CLMP: variants seen among roughly 807,000 people sequenced by gnomAD.
CLMP encodes the protein CXADR-like membrane protein.
CLMP carries 27 observed loss-of-function variants against 45.2 expected under a neutral mutation model. The ratio of observed to expected loss-of-function variants is 0.60; its 90% CI spans 0.44 to 0.82. The LOEUF is 0.82. Ranked by LOEUF, CLMP falls within the 40% of genes least tolerant of loss-of-function variation. The pLI is 0.00. For synonymous variants in CLMP, 167 were observed against 171.4 expected (o/e 0.97, Z 0.20); for missense variants, 403 against 448.4 (o/e 0.90, Z 0.91).
chr11:123,160,047 G>A (rs576538381), intron 1 of CLMP, among the ~76,000 whole-genome samples: 1 of 152,270 alleles, frequency 6.6e-6, no homozygotes, highest in East Asian at 1.9e-4. Context: ...GGGAGGCTGA[G>A]GCGGGAGGAT....
At chr11:123,078,106 C>CA (rs1165476947) in intron 5 of CLMP, among the ~76,000 whole-genome samples, 5 of 147,258 alleles carry the variant, frequency 3.4e-5, no homozygotes, top group Admixed American at 6.8e-5. Context: ...AACTCTGTCT[C>CA]AAAAAAAAAG....
chr11:123,100,799 A>C (rs910261148), intron 1 of CLMP, among the ~76,000 whole-genome samples: 1 of 151,818 alleles, frequency 6.6e-6, no homozygotes, highest in East Asian at 1.9e-4. Flanking sequence ...GCTTTTTCCC[A>C]AAAACACTTT....
intron 1 of CLMP, among the ~76,000 whole-genome samples, chr11:123,098,631 A>G (rs1365200698): frequency 6.6e-6 from 1 of 151,256 alleles, no homozygotes; most frequent in African/African-American, 2.4e-5. Flanking sequence ...GACCTCACCA[A>G]TTCAAGAGAT....
intron 1 of CLMP, among the ~76,000 whole-genome samples, chr11:123,129,678 T>C (rs1157637606): frequency 7.0e-6 from 1 of 142,312 alleles, no homozygotes; most frequent in Non-Finnish European, 1.5e-5. Flanking sequence ...TATATATAAA[T>C]ATTATATTTA....
At chr11:123,180,901 TG>T (rs1302046342) in intron 1 of CLMP, among the ~76,000 whole-genome samples, 2 of 152,190 alleles carry the variant, frequency 1.3e-5, no homozygotes, top group African/African-American at 4.8e-5. Flanking sequence ...GGAAGCTGGA[TG>T]CCTGGAGAGA....
chr11:123,136,304 C>A (rs184422961), intron 1 of CLMP: 1 of 637,918 alleles, frequency 1.6e-6, no homozygotes. Context: ...CTGGTGTCTT[C>A]GCGCATACTC....
Position 123,187,903 on chromosome 11 carries a change from T to G in CLMP, c.28+7010A>C, listed in dbSNP as rs532467078. Among the ~76,000 whole-genome samples the G allele has an allele frequency of 1.1e-3, 168 of 152,296 alleles. 1 individual carries two copies. Among genetic ancestry groups the G allele is most frequent in the Non-Finnish European group, 8.7e-4 (59 of 68,012 alleles). ...ATCCATCAACCCACCAACTGCTTAT[T>G]TAGCGTGATCTCAATAATGAGCAAG... is the stretch of plus-strand genomic sequence containing the variant. On this transcript the variant is annotated intron_variant, in intron 1 of 6. Transcript: ENST00000448775.
chr11:123,141,367 G>A (rs1031179825), intron 1 of CLMP, among the ~76,000 whole-genome samples: 1 of 151,712 alleles, frequency 6.6e-6, no homozygotes, highest in Non-Finnish European at 1.5e-5. Context: ...TGTATTTTTA[G>A]TAGAGACGGG....
At chr11:123,076,138 A>G (rs1353132485) in intron 5 of CLMP, among the ~76,000 whole-genome samples, 5 of 151,806 alleles carry the variant, frequency 3.3e-5, no homozygotes, top group Non-Finnish European at 7.4e-5. Flanking sequence ...ATGCTACTGC[A>G]CTCCATCAAG....
Position 123,097,840 on chromosome 11 carries a change from C to T in CLMP, c.141G>A (p.Leu47=). The T allele has an allele frequency of 6.2e-7, 1 of 1,609,644 alleles. No individual in the cohort carries two copies. Among genetic ancestry groups the T allele is most frequent in the Non-Finnish European group, 8.5e-7 (1 of 1,177,976 alleles). The change falls in exon 2 of 7, where the codon CTG becomes CTA. Residue 47 remains leucine, a synonymous_variant. Coordinates refer to ENST00000448775, the MANE Select transcript of CLMP (RefSeq NM_024769.5). ...HQLGLPEKDT[L]DIEWLLTDNE... ...TATCGGTGAGCAGCCATTCAATATC[C>T]AGAGTGTCTTTTTCTGGAAGCCCCA...
chr11:123,164,500 C>T (rs1039012160), intron 1 of CLMP, among the ~76,000 whole-genome samples: 2 of 151,972 alleles, frequency 1.3e-5, no homozygotes, highest in Admixed American at 1.3e-4. Flanking sequence ...GACAGGGTTT[C>T]GTCATGTTGG....
At chr11:123,100,306 A>G (rs1160704068) in intron 1 of CLMP, among the ~76,000 whole-genome samples, 2 of 151,736 alleles carry the variant, frequency 1.3e-5, no homozygotes, top group Non-Finnish European at 2.9e-5. Flanking sequence ...GCTTGAACCC[A>G]GGAGGCAGAG....
At chr11:123,182,812 A>G (rs1861787007) in intron 1 of CLMP, among the ~76,000 whole-genome samples, 2 of 152,164 alleles carry the variant, frequency 1.3e-5, no homozygotes, top group African/African-American at 2.4e-5. Flanking sequence ...TAACCGTGAA[A>G]TAACTCAATG....
intron 1 of CLMP, among the ~76,000 whole-genome samples, chr11:123,104,630 C>T (rs1043781060): frequency 6.6e-6 from 1 of 151,978 alleles, no homozygotes; most frequent in Admixed American, 6.6e-5. Context: ...TTATGATCCA[C>T]CCGCCTCAGC....
chr11:123,098,061 G>A lies in CLMP; in HGVS notation c.29-109C>T, dbSNP rs145191591. On this transcript the variant is annotated intron_variant, in intron 1 of 6. Transcript: ENST00000448775. ...GATGTTCCCGTGGGCAAGTGCATGT[G>A]GAGGGGTTGCAAGAGTCCTAGACCA... is the stretch of plus-strand genomic sequence containing the variant. 227 of 921,760 alleles carry A rather than the reference G, an allele frequency of 2.5e-4. 1 individual carries two copies. Among genetic ancestry groups the A allele is most frequent in the Middle Eastern group, 1.6e-3 (5 of 3,182 alleles). 57.1% of individuals were successfully genotyped at this position (921,760 alleles called of 1,614,324 possible).
intron 5 of CLMP, among the ~76,000 whole-genome samples, chr11:123,079,082 A>G (rs1013255146): frequency 1.3e-5 from 2 of 152,036 alleles, no homozygotes; most frequent in Non-Finnish European, 2.9e-5. Flanking sequence ...CTGGCCAGAA[A>G]CAGGTTCTTA....
At chr11:123,194,474 A>G (rs1591493248) in intron 1 of CLMP, among the ~76,000 whole-genome samples, 1 of 149,326 alleles carries the variant, frequency 6.7e-6, no homozygotes, top group South Asian at 2.2e-4. Context: ...TTCCTCTCCA[A>G]CCCTGCCTAT....
At chr11:123,099,969 G>A (rs1866035722) in intron 1 of CLMP, among the ~76,000 whole-genome samples, 1 of 152,178 alleles carries the variant, frequency 6.6e-6, no homozygotes, top group Non-Finnish European at 1.5e-5. Context: ...CTAGGATAGT[G>A]GTGAAGGCAG....
intron 1 of CLMP, among the ~76,000 whole-genome samples, chr11:123,141,082 C>A (rs147326409): frequency 6.6e-6 from 1 of 151,592 alleles, no homozygotes; most frequent in East Asian, 1.9e-4. Context: ...TCATTAGAAG[C>A]AGATGCCTAG....
Sources: gnomAD v4.1 joint callset for allele counts (sites outside exome capture counted in the v4.1 genomes callset) on GRCh38, gnomAD v4.1.1 for gene constraint, MANE v1.5 for transcripts, NCBI Gene and HGNC (gene_info 2026-07-23, HGNC 2026-07-21) for gene names.